The following TNIP1 variants were observed in gnomAD, a reference collection of about 807,000 sequenced individuals.
TNIP1 encodes TNFAIP3 interacting protein 1, also known as TNFAIP3-interacting protein 1.
TNIP1 carries 22 observed loss-of-function variants against 86.6 expected under a neutral mutation model. The observed-to-expected ratio is 0.25, with a 90% CI of 0.18 to 0.36. The LOEUF (loss-of-function observed/expected upper bound fraction) is 0.36. Among genes scored for constraint, TNIP1 ranks in the 10% least tolerant of loss-of-function variants. TNIP1 has a pLI of 1.00. For synonymous variants in TNIP1, 294 were observed against 313.0 expected, an observed-to-expected ratio of 0.94 and a Z score of 0.64; for missense variants, 709 against 820.6, an observed-to-expected ratio of 0.86 and a Z score of 1.66.
chr5:151,049,164 T>C (rs1247622872), intron 8 of TNIP1, among the ~76,000 whole-genome samples: 1 of 152,104 alleles, frequency 6.6e-6, no homozygotes, highest in African/African-American at 2.4e-5. Context: ...TAAACCCCAT[T>C]AAAGGGTGAA....
At chr5:151,075,866 C>T (rs1358134715) in intron 1 of TNIP1, among the ~76,000 whole-genome samples, 2 of 152,230 alleles carry the variant, frequency 1.3e-5, no homozygotes, top group African/African-American at 4.8e-5. Context: ...CCCATACCTG[C>T]CCTGGCCTCT....
chr5:151,030,866 A>C, intron 17 of TNIP1, 119 bp from the exon 18 acceptor site: 1 of 805,224 alleles, frequency 1.2e-6, no homozygotes, highest in Non-Finnish European at 2.0e-6. Context: ...GGGTGCTACC[A>C]AGTGCCAGGG....
At chr5:151,041,837 T>G (rs1449680745) in intron 11 of TNIP1, among the ~76,000 whole-genome samples, 1 of 152,096 alleles carries the variant, frequency 6.6e-6, no homozygotes, top group African/African-American at 2.4e-5. Context: ...TAAATGAAGC[T>G]CTGTCTCATG....
intron 11 of TNIP1, among the ~76,000 whole-genome samples, chr5:151,042,316 AT>A (rs1758528332): frequency 6.6e-6 from 1 of 152,212 alleles, no homozygotes; most frequent in Non-Finnish European, 1.5e-5. Flanking sequence ...AAAGTTCTGA[AT>A]AAAAACAAGA....
chr5:151,065,828 T>C (rs1212658257), intron 1 of TNIP1, among the ~76,000 whole-genome samples: 3 of 152,208 alleles, frequency 2.0e-5, no homozygotes, highest in Non-Finnish European at 2.9e-5. Context: ...ATATGGTCTG[T>C]CCCTTGCAGT....
At chr5:151,053,106 T>TC (rs1361412998) in intron 6 of TNIP1, among the ~76,000 whole-genome samples, 2,934 of 142,606 alleles carry the variant, frequency 0.021, 47 homozygotes, top group South Asian at 0.057. Flanking sequence ...TTTCTCTTTT[T>TC]TTTTTTTTTT....
intron 11 of TNIP1, 82 bp downstream of exon 11, chr5:151,042,458 T>C: frequency 6.4e-7 from 1 of 1,555,740 alleles, no homozygotes; most frequent in Non-Finnish European, 8.7e-7. Context: ...TCCTGACTCC[T>C]GCCCCTGGCT....
upstream of TNIP1, among the ~76,000 whole-genome samples, chr5:151,082,818 CATTT>C (rs1216820208): frequency 3.9e-5 from 6 of 152,288 alleles, no homozygotes; most frequent in African/African-American, 1.4e-4. Flanking sequence ...TGAGAAAACT[CATTT>C]ATTTATAAAG....
chr5:151,063,665 GAGC>G lies in TNIP1; in HGVS notation c.216_218del (p.Leu73del), dbSNP rs1164404125. 6.2e-7 allele frequency: 1 copy of G among 1,614,134 alleles called. No homozygotes were observed. The highest frequency in any genetic ancestry group is 8.5e-7 in the Non-Finnish European group (1 of 1,180,018). ...AGCCCAAGGAGGGAGAAGGTGGTGG[GAGC>G]AGCTCGTTGTCCTTCACTAGCTCCT... On this transcript the variant is annotated inframe_deletion, in exon 3 of 18. Transcript: ENST00000521591.
At chr5:151,047,632 A>G (rs972446402) in intron 8 of TNIP1, among the ~76,000 whole-genome samples, 6 of 152,144 alleles carry the variant, frequency 3.9e-5, no homozygotes, top group African/African-American at 1.4e-4. Flanking sequence ...GGAAGGGGAT[A>G]GGGGAACTCT....
chr5:151,083,767 G>C (rs1263946829), upstream of TNIP1, among the ~76,000 whole-genome samples: 2 of 152,156 alleles, frequency 1.3e-5, no homozygotes, highest in Non-Finnish European at 2.9e-5. Context: ...CACATTTGAA[G>C]GTAATAAAAA....
rs1762040301 is a variant in TNIP1, at chr5:151,064,869, T to C, written c.136+91A>G. On this transcript the variant is annotated intron_variant, in intron 2 of 17. Coordinates refer to ENST00000521591, the MANE Select transcript of TNIP1 (RefSeq NM_006058.5). Reference sequence around the variant, plus strand: ...AGGGGATGACTTGGGCAGAGGCATATGCCAGCTTCATTCTCCACTGCTAGT... The same window carrying C: ...AGGGGATGACTTGGGCAGAGGCATACGCCAGCTTCATTCTCCACTGCTAGT... 8 of 1,580,510 alleles carry C rather than the reference T, an allele frequency of 5.1e-6. 1 individual carries two copies. The South Asian group carries it at 6.9e-5, about 14-fold the overall frequency.
At chr5:151,055,671 A>T (rs1760563135) in intron 6 of TNIP1, among the ~76,000 whole-genome samples, 1 of 152,104 alleles carries the variant, frequency 6.6e-6, no homozygotes. Flanking sequence ...ATTGCCCTTC[A>T]TGCCCTCGGC....
At position 151,030,738 on chromosome 5, in the gene TNIP1, T is replaced by C; in HGVS notation, c.1886A>G (p.Lys629Arg). 1 of 1,610,080 alleles carries C rather than the reference T, an allele frequency of 6.2e-7. No homozygotes were observed. Among genetic ancestry groups the C allele is most frequent in the Non-Finnish European group, 8.5e-7 (1 of 1,178,826 alleles). ...TARPTEPESPKNDREGPQ is the reference protein window; with the variant it reads ...TARPTEPESPRNDREGPQ ...TCACTGAGGCCCCTCACGGTCATTT[T>C]TTGGAGACTCTAAATAAACAAAAAT... Residue 629 changes from lysine (K) to arginine (R), a missense_variant, in exon 18 of 18, where the codon AAA (lysine) becomes AGA (arginine). Transcript: ENST00000521591.
chr5:151,056,513 G>A (rs1036471425), intron 6 of TNIP1, among the ~76,000 whole-genome samples: 11 of 152,184 alleles, frequency 7.2e-5, no homozygotes, highest in African/African-American at 2.7e-4. Context: ...TAAAGGCAGG[G>A]CTGCTGGGGG....
At chr5:151,064,374 C>T (rs1761978925) in intron 2 of TNIP1, among the ~76,000 whole-genome samples, 1 of 152,202 alleles carries the variant, frequency 6.6e-6, no homozygotes, top group Non-Finnish European at 1.5e-5. Flanking sequence ...GAAAGAGAGC[C>T]CCCTCTGGAT....
chr5:151,084,396 G>A (rs1764195220), upstream of TNIP1, among the ~76,000 whole-genome samples: 1 of 149,748 alleles, frequency 6.7e-6, no homozygotes, highest in Non-Finnish European at 1.5e-5. Context: ...AATGAGCCAA[G>A]ATCGCGCCAT....
chr5:151,043,340 C>A (rs933333148), intron 9 of TNIP1, among the ~76,000 whole-genome samples: 4 of 152,140 alleles, frequency 2.6e-5, no homozygotes, highest in Admixed American at 2.0e-4. Context: ...AACACTTACA[C>A]AAGTGTGCAA....
rs116433949 is a variant in TNIP1, at chr5:151,070,610, C to A, written c.-36-5479G>T. On this transcript the variant is annotated intron_variant, in intron 1 of 17. Transcript: ENST00000521591. Reference sequence around the variant, plus strand: ...ACTCACCAACAACTGGGAATCTGAGCCTCATTTCCTCTGCTGTAAAGGGCA... The same window carrying A: ...ACTCACCAACAACTGGGAATCTGAGACTCATTTCCTCTGCTGTAAAGGGCA... Among the ~76,000 whole-genome samples, 1,145 of 152,294 alleles carry A rather than the reference C, an allele frequency of 7.5e-3. 11 individuals carry two copies. The highest frequency in any genetic ancestry group is 0.026 in the African/African-American group (1,072 of 41,548).
Sources: gnomAD v4.1 joint callset for allele counts (sites outside exome capture counted in the v4.1 genomes callset) on GRCh38, gnomAD v4.1.1 for gene constraint, MANE v1.5 for transcripts, NCBI Gene and HGNC (gene_info 2026-07-23, HGNC 2026-07-21) for gene names.